Variants in IRAG1 observed in about 807,000 individuals in gnomAD.
IRAG1 encodes IP3R-associated cGMP kinase substrate.
Under a neutral mutation model 106.2 loss-of-function variants are expected in IRAG1, and 62 were observed. The observed-to-expected ratio is 0.58, with a 90% confidence interval of 0.48 to 0.72. The LOEUF (loss-of-function observed/expected upper bound fraction) is 0.72. Ranked by LOEUF, IRAG1 falls within the 30% of genes least tolerant of loss-of-function variation. The pLI, the probability that IRAG1 is intolerant of heterozygous loss-of-function variation, is 0.00. For missense variants in IRAG1, 1,064 were observed against 1,140.7 expected (o/e 0.93, Z 0.97); for synonymous variants, 462 against 443.9 (o/e 1.04, Z -0.51).
intron 2 of IRAG1, among the ~76,000 whole-genome samples, chr11:10,648,155 G>A (rs766485948): frequency 1.3e-5 from 2 of 152,198 alleles, no homozygotes; most frequent in African/African-American, 2.4e-5. Context: ...CTTGAGGCCA[G>A]GAGTTTGAGA....
chr11:10,633,653 G>A (rs12793442), intron 3 of IRAG1, among the ~76,000 whole-genome samples: 7,630 of 152,244 alleles, frequency 0.05, 312 homozygotes, highest in Admixed American at 0.12. Context: ...TTTCCATGGG[G>A]GAACAAGTCC....
At chr11:10,656,168 C>T (rs1004349903) in intron 1 of IRAG1, among the ~76,000 whole-genome samples, 4 of 152,168 alleles carry the variant, frequency 2.6e-5, no homozygotes, top group African/African-American at 9.7e-5. Flanking sequence ...AGCACCAACC[C>T]ATAAAAGGAA....
chr11:10,603,891 C>T (rs1200561255), intron 13 of IRAG1, among the ~76,000 whole-genome samples: 1 of 152,168 alleles, frequency 6.6e-6, no homozygotes, highest in Non-Finnish European at 1.5e-5. Flanking sequence ...ATGCTGGTGC[C>T]CTGATCTTGG....
At chr11:10,656,970 C>T (rs553494293) in intron 1 of IRAG1, among the ~76,000 whole-genome samples, 4 of 152,224 alleles carry the variant, frequency 2.6e-5, no homozygotes, top group Admixed American at 6.5e-5. Context: ...CTTCGGTTGT[C>T]GGGCCGGGGT....
chr11:10,633,370 C>T (rs1037908421), intron 3 of IRAG1, among the ~76,000 whole-genome samples: 5 of 152,170 alleles, frequency 3.3e-5, no homozygotes, highest in South Asian at 2.1e-4. Context: ...CCACTGCGCC[C>T]GGCCGAGAAT....
chr11:10,653,550 T>C (rs952160196), intron 1 of IRAG1, among the ~76,000 whole-genome samples: 4 of 152,008 alleles, frequency 2.6e-5, no homozygotes, highest in Non-Finnish European at 5.9e-5. Flanking sequence ...AAAGGCAGGA[T>C]AGCAATGTAG....
intron 2 of IRAG1, among the ~76,000 whole-genome samples, chr11:10,637,077 ATAACT>A (rs1354063664): frequency 1.3e-5 from 2 of 152,242 alleles, no homozygotes; most frequent in African/African-American, 2.4e-5. Context: ...AGGCTTGAGA[ATAACT>A]TAACTACCCA....
At chr11:10,656,421 G>C (rs574008118) in intron 1 of IRAG1, among the ~76,000 whole-genome samples, 1 of 152,310 alleles carries the variant, frequency 6.6e-6, no homozygotes, top group Non-Finnish European at 1.5e-5. Flanking sequence ...AGCTACCCTT[G>C]TATCTGGTGC....
At chr11:10,693,320 A>T in intron 1 of IRAG1, 1 of 903,770 alleles carries the variant, frequency 1.1e-6, no homozygotes, top group Non-Finnish European at 1.6e-6. Flanking sequence ...AGCACAATCT[A>T]GTTAAGTTAG....
intron 1 of IRAG1, among the ~76,000 whole-genome samples, chr11:10,662,701 C>T (rs1859493372): frequency 6.6e-6 from 1 of 152,344 alleles, no homozygotes; most frequent in East Asian, 1.9e-4. Flanking sequence ...TCTGGAACCA[C>T]CTCCTTCCTG....
At position 10,665,044 on chromosome 11, in the gene IRAG1, G is replaced by C. The variant is rs1248968776; in HGVS notation, c.68-12862C>G. On this transcript the variant is annotated intron_variant, in intron 1 of 20. Coordinates refer to ENST00000423302, the MANE Select transcript of IRAG1 (RefSeq NM_130385.4). This position sits in a 1 kb window ranked among gnomAD's most constrained non-coding sequence, Gnocchi z 4.2. ...CTTGCAATAAAGAGTTCCAACTGGT[G>C]CAAACAGCCTATCCTTTATAATGCT... Among the ~76,000 whole-genome samples the C allele has an allele frequency of 6.6e-6, 1 of 152,148 alleles. No individual in the cohort carries two copies. The highest frequency in any genetic ancestry group is 2.4e-5 in the African/African-American group (1 of 41,424).
At position 10,670,083 on chromosome 11, in the gene IRAG1, C is replaced by T. The variant is rs547682929; in HGVS notation, c.68-17901G>A. 2.6e-3 allele frequency among the ~76,000 whole-genome samples: 396 copies of T among 152,324 alleles called. 1 individual carries two copies. The highest frequency in any genetic ancestry group is 9.3e-3 in the African/African-American group (385 of 41,578). On this transcript the variant is annotated intron_variant, in intron 1 of 20. Transcript: ENST00000423302. Reference sequence around the variant, plus strand: ...ACATAACCAATTGAGATCAGCAGCACCTTGTTTTTGGCTTTTGCAAGAATT... The same window carrying T: ...ACATAACCAATTGAGATCAGCAGCATCTTGTTTTTGGCTTTTGCAAGAATT...
At chr11:10,617,832 C>G (rs765163662) in intron 10 of IRAG1, among the ~76,000 whole-genome samples, 5 of 152,218 alleles carry the variant, frequency 3.3e-5, no homozygotes, top group Non-Finnish European at 5.9e-5. Flanking sequence ...ATCCTGTCCA[C>G]ATTTACTACC....
chr11:10,643,137 G>GCACTCCTC, intron 2 of IRAG1, among the ~76,000 whole-genome samples: 1 of 121,354 alleles, frequency 8.2e-6, no homozygotes, highest in Non-Finnish European at 1.6e-5. Context: ...TCGTGCCACT[G>GCACTCCTC]CACTCCTCCA....
rs113602677 is a variant in IRAG1, at chr11:10,660,373, C to T, written c.68-8191G>A. 3.3e-3 allele frequency among the ~76,000 whole-genome samples: 495 copies of T among 152,280 alleles called. 4 individuals carry two copies. Among genetic ancestry groups the T allele is most frequent in the African/African-American group, 0.011 (459 of 41,542 alleles). On this transcript the variant is annotated intron_variant, in intron 1 of 20. Transcript: ENST00000423302. ...ATTTATTTCTATTGTCTCTGCATAG[C>T]GGAAACTATATAATGATTTGCTACT... is the stretch of plus-strand genomic sequence containing the variant.
intron 1 of IRAG1, among the ~76,000 whole-genome samples, chr11:10,661,449 A>G (rs1341454464): frequency 6.7e-6 from 1 of 148,252 alleles, no homozygotes; most frequent in Non-Finnish European, 1.5e-5. Flanking sequence ...CAAATTCATT[A>G]TCTTACAATT....
At chr11:10,638,122 A>C (rs77791875) in intron 2 of IRAG1, among the ~76,000 whole-genome samples, 2,172 of 152,330 alleles carry the variant, frequency 0.014, 52 homozygotes, top group African/African-American at 0.048. Flanking sequence ...CCTCTGATGC[A>C]TATTCTGAGC....
At position 10,657,773 on chromosome 11, in the gene IRAG1, C is replaced by T. The variant is rs1859035942; in HGVS notation, c.68-5591G>A. On this transcript the variant is annotated intron_variant, in intron 1 of 20. Transcript: ENST00000423302. The surrounding 1 kb of genome is among the most constrained non-coding windows in gnomAD (Gnocchi z 4.1). ...GTGACTGCACGTGGAGCTCTCTTAG[C>T]CCTTCTGCAAATCCAGAGGGTGATG... Among the ~76,000 whole-genome samples the T allele has an allele frequency of 1.3e-5, 2 of 152,280 alleles. No homozygotes were observed. The highest frequency in any genetic ancestry group is 2.1e-4 in the South Asian group (1 of 4,826).
At chr11:10,640,223 T>C (rs1283154552) in intron 2 of IRAG1, among the ~76,000 whole-genome samples, 1 of 152,134 alleles carries the variant, frequency 6.6e-6, no homozygotes, top group Non-Finnish European at 1.5e-5. Flanking sequence ...GGCATCTCAC[T>C]GGGGAGGAGG....
Sources: gnomAD v4.1 joint callset for allele counts (sites outside exome capture counted in the v4.1 genomes callset) on GRCh38, gnomAD v4.1.1 for gene constraint, Gnocchi (gnomAD v3.1) non-coding constraint, MANE v1.5 for transcripts, NCBI Gene and HGNC (gene_info 2026-07-23, HGNC 2026-07-21) for gene names.